SLC30A8: variants seen among roughly 807,000 people sequenced by gnomAD.
SLC30A8 encodes proton-coupled zinc antiporter SLC30A8.
A neutral mutation model predicts 36.9 loss-of-function variants in SLC30A8; 27 were observed. The ratio of observed to expected loss-of-function variants is 0.73; its 90% CI spans 0.54 to 1.01. SLC30A8 has a LOEUF of 1.01. SLC30A8 is among the 50% of genes least tolerant of loss of function. The pLI is 0.00. For synonymous variants in SLC30A8, 164 were observed against 172.4 expected (o/e 0.95, Z 0.38); for missense variants, 439 against 452.0 (o/e 0.97, Z 0.26).
intron 2 of SLC30A8, among the ~76,000 whole-genome samples, chr8:117,069,579 A>G (rs986706686): frequency 1.3e-5 from 2 of 152,234 alleles, no homozygotes; most frequent in African/African-American, 4.8e-5. Flanking sequence ...GGAGGTCTGG[A>G]TAATACATGT....
In SLC30A8 at chr8:117,173,940, A is replaced by G. The variant is rs1219226418; in HGVS notation, c.*1259A>G. On this transcript the variant is annotated 3_prime_UTR_variant, in exon 8 of 8. Transcript: ENST00000456015. The stretch of plus-strand genomic sequence containing the variant: ...TGATGTTTCACGTCATTGAGGTGAC[A>G]GCTCTGCTGGACTTTGAATTACATA... 2 of 152,184 alleles carry G rather than the reference A, an allele frequency of 1.3e-5. No individual in the cohort carries two copies. The highest frequency in any genetic ancestry group is 6.5e-5 in the Admixed American group (1 of 15,274). The allele number at this position is 152,184 out of a possible 1,614,324, so 9.4% of individuals were successfully genotyped here.
intron 1 of SLC30A8, among the ~76,000 whole-genome samples, chr8:116,952,238 T>C (rs533678757): frequency 6.6e-6 from 1 of 152,140 alleles, no homozygotes; most frequent in Admixed American, 6.5e-5. Flanking sequence ...GGTGGACATA[T>C]CATGACAGGC....
chr8:116,991,846 C>A (rs1432563916), intron 1 of SLC30A8, among the ~76,000 whole-genome samples: 1 of 152,086 alleles, frequency 6.6e-6, no homozygotes, highest in East Asian at 1.9e-4. Context: ...AGGAATCATG[C>A]AAGGGTCCAC....
chr8:117,072,680 C>G lies in SLC30A8; in HGVS notation c.-226+33422C>G, dbSNP rs180830248. ...TTGATTTTATTTTCCTCATTCATTC[C>G]CAGATGTTTTATAGACCCATCTATG... is the stretch of plus-strand genomic sequence containing the variant. On this transcript the variant is annotated intron_variant, in intron 2 of 10. Coordinates refer to the SLC30A8 transcript ENST00000427715. Among the ~76,000 whole-genome samples, 260 of 151,992 alleles carry G rather than the reference C, an allele frequency of 1.7e-3. 3 individuals are homozygous for G. The highest frequency in any genetic ancestry group is 8.2e-4 in the Non-Finnish European group (56 of 67,994).
rs573769344 is a variant in SLC30A8 at position 117,022,733 on chromosome 8, G to A, written c.-265-16486G>A. Among the ~76,000 whole-genome samples, 17 of 152,200 alleles carry A rather than the reference G, an allele frequency of 1.1e-4. No individual in the cohort carries two copies. The East Asian group carries it at 2.9e-3, about 26-fold the overall frequency. On this transcript the variant is annotated intron_variant, in intron 1 of 10. Coordinates refer to the SLC30A8 transcript ENST00000427715. ...CTTTATACAAAAATTAATTCAAGAT[G>A]GATCAAAGACTTAAATGTTAGACCT...
intron 1 of SLC30A8, among the ~76,000 whole-genome samples, chr8:117,034,546 A>C (rs934830935): frequency 6.6e-6 from 1 of 152,168 alleles, no homozygotes; most frequent in Non-Finnish European, 1.5e-5. Flanking sequence ...TGAAGCATGG[A>C]GTGGTGAGAC....
chr8:117,051,702 A>G (rs1817713691), intron 2 of SLC30A8, among the ~76,000 whole-genome samples: 1 of 151,912 alleles, frequency 6.6e-6, no homozygotes, highest in African/African-American at 2.4e-5. Flanking sequence ...AGTCCCAGCT[A>G]CTCGGGAGAC....
chr8:116,975,520 G>A (rs75666750), intron 1 of SLC30A8, among the ~76,000 whole-genome samples: 3,437 of 152,208 alleles, frequency 0.023, 115 homozygotes, highest in African/African-American at 0.077. Flanking sequence ...GAAGGGTCAT[G>A]AGCATTTTTT....
At chr8:117,012,739 A>ACACACACACT in intron 1 of SLC30A8, among the ~76,000 whole-genome samples, 1 of 149,920 alleles carries the variant, frequency 6.7e-6, no homozygotes, top group African/African-American at 2.4e-5. Context: ...ACACACACAC[A>ACACACACACT]CACACACACA....
At chr8:117,091,764 C>T (rs982465765) in intron 2 of SLC30A8, among the ~76,000 whole-genome samples, 4 of 152,092 alleles carry the variant, frequency 2.6e-5, no homozygotes, top group Admixed American at 6.5e-5. Flanking sequence ...CCTTATAAGC[C>T]ACAATCTCAT....
At chr8:117,072,709 G>C (rs1056822133) in intron 2 of SLC30A8, among the ~76,000 whole-genome samples, 4 of 151,774 alleles carry the variant, frequency 2.6e-5, no homozygotes, top group African/African-American at 7.3e-5. Flanking sequence ...ATCTATGTGA[G>C]CTGTTTTGTC....
intron 2 of SLC30A8, among the ~76,000 whole-genome samples, chr8:117,077,913 T>C (rs994772912): frequency 2.6e-5 from 4 of 152,236 alleles, no homozygotes; most frequent in Non-Finnish European, 5.9e-5. Flanking sequence ...GAAAATACTT[T>C]ATTATCAACT....
chr8:117,115,741 A>G (rs1820415935), intron 2 of SLC30A8, among the ~76,000 whole-genome samples: 1 of 152,058 alleles, frequency 6.6e-6, no homozygotes, highest in Admixed American at 6.6e-5. Flanking sequence ...CACTTTCTTC[A>G]GAGTGGGTAG....
At chr8:117,053,525 G>C (rs1327778548) in intron 2 of SLC30A8, among the ~76,000 whole-genome samples, 1 of 152,068 alleles carries the variant, frequency 6.6e-6, no homozygotes, top group Non-Finnish European at 1.5e-5. Flanking sequence ...CTGGATGTCT[G>C]AGCCCGAGCC....
chr8:117,163,416 T>C lies in SLC30A8; in HGVS notation c.724-9T>C. 1 of 1,607,784 alleles carries C rather than the reference T, an allele frequency of 6.2e-7. No individual in the cohort carries two copies. The highest frequency in any genetic ancestry group is 8.5e-7 in the Non-Finnish European group (1 of 1,177,218). Reference sequence around the variant, plus strand: ...TTCAGTTAACCAAAATCCCTGTTTTTTTTTCTAGCCAGAGTATAAAATAGC... The same window carrying C: ...TTCAGTTAACCAAAATCCCTGTTTTCTTTTCTAGCCAGAGTATAAAATAGC... On this transcript the variant is annotated splice_polypyrimidine_tract_variant and intron_variant, in intron 5 of 7. Transcript: ENST00000456015.
rs370485896 is a variant in SLC30A8, at chr8:117,100,420, T to A, written c.-225-34860T>A. Among the ~76,000 whole-genome samples the A allele has an allele frequency of 7.9e-5, 12 of 152,126 alleles. 1 individual carries two copies. Among genetic ancestry groups the A allele is most frequent in the East Asian group, 7.7e-4 (4 of 5,192 alleles). On this transcript the variant is annotated intron_variant, in intron 2 of 10. Transcript: ENST00000427715. ...CTTAATCTGTGAGAACATAACCACT[T>A]TTTTCCACAGCTCCTCTTTGAGGCT...
intron 1 of SLC30A8, among the ~76,000 whole-genome samples, chr8:117,022,479 T>C (rs1006411018): frequency 1.3e-5 from 2 of 152,130 alleles, no homozygotes; most frequent in African/African-American, 4.8e-5. Flanking sequence ...CACTACTGGA[T>C]TCAATGATAA....
chr8:117,157,980 T>A (rs925532909), intron 4 of SLC30A8, 136 bp downstream of exon 4: 1 of 966,226 alleles, frequency 1.0e-6, no homozygotes, highest in African/African-American at 1.6e-5. Context: ...GCTCTAAGAT[T>A]GAAAATAAGG....
chr8:116,951,863 A>G (rs1400431870), intron 1 of SLC30A8, among the ~76,000 whole-genome samples: 1 of 151,922 alleles, frequency 6.6e-6, no homozygotes, highest in East Asian at 1.9e-4. Flanking sequence ...ATAAACCTGA[A>G]AAGATGGGAT....
Sources: allele counts gnomAD v4.1 joint callset (sites outside exome capture counted in the v4.1 genomes callset), GRCh38; gene constraint gnomAD v4.1.1; transcripts MANE v1.5; gene names NCBI Gene and HGNC (gene_info 2026-07-23, HGNC 2026-07-21).